Variants in PDE8B observed in about 807,000 individuals in gnomAD.
PDE8B encodes phosphodiesterase 8B.
A neutral mutation model predicts 101.3 loss-of-function variants in PDE8B; 26 were observed. That is an observed-to-expected ratio of 0.26 (90% CI 0.19 to 0.36). The LOEUF is 0.36. Ranked by LOEUF, PDE8B falls within the 10% of genes least tolerant of loss-of-function variation. PDE8B has a pLI of 1.00. For synonymous variants in PDE8B, 424 were observed against 429.3 expected (o/e 0.99, Z 0.15); for missense variants, 810 against 1,163.1 (o/e 0.70, Z 4.42).
At position 77,325,618 on chromosome 5, in the gene PDE8B, A is replaced by G. The variant is rs1038156742; in HGVS notation, c.479A>G (p.Asn160Ser). 1.2e-6 allele frequency: 2 copies of G among 1,613,672 alleles called. No individual in the cohort carries two copies. The highest frequency in any genetic ancestry group is 1.7e-6 in the Non-Finnish European group (2 of 1,179,672). ...WACDRAGYRC[N>S]IARTPESALE... is the part of the protein sequence containing the mutation. The stretch of plus-strand genomic sequence containing the variant: ...TGCGACAGAGCTGGTTATAGATGCA[A>G]TATTGCTCGGACTCCAGAGTCAGCC... The change falls in exon 3 of 22, where the codon AAT (asparagine) becomes AGT (serine). Residue 160 changes from asparagine (N) to serine (S), a missense_variant. Physicochemically the swap from Asn to Ser is conservative, Grantham distance 46. Coordinates refer to ENST00000264917, the MANE Select transcript of PDE8B (RefSeq NM_003719.5).
At chr5:77,321,575 G>T (rs1052691700) in intron 2 of PDE8B, among the ~76,000 whole-genome samples, 1 of 152,146 alleles carries the variant, frequency 6.6e-6, no homozygotes, top group Non-Finnish European at 1.5e-5. Flanking sequence ...TGGGAACAAA[G>T]AGTCCAATTT....
chr5:77,366,959 G>A (rs1784256759), intron 10 of PDE8B, among the ~76,000 whole-genome samples: 1 of 152,054 alleles, frequency 6.6e-6, no homozygotes, highest in South Asian at 2.1e-4. Flanking sequence ...GCCCAAGTAG[G>A]CCCTCCAGAG....
intron 10 of PDE8B, among the ~76,000 whole-genome samples, chr5:77,396,894 CTTAAT>C (rs1791178019): frequency 6.6e-6 from 1 of 151,896 alleles, no homozygotes; most frequent in African/African-American, 2.4e-5. Context: ...CCTAGGATTA[CTTAAT>C]TTAACATAAC....
intron 10 of PDE8B, among the ~76,000 whole-genome samples, chr5:77,375,839 G>A (rs1019695648): frequency 1.3e-5 from 2 of 150,044 alleles, no homozygotes; most frequent in African/African-American, 4.9e-5. Context: ...CCATTTTGTT[G>A]CCCCTTTTTA....
chr5:77,353,793 T>G (rs1030331590), intron 10 of PDE8B, among the ~76,000 whole-genome samples: 1 of 152,188 alleles, frequency 6.6e-6, no homozygotes, highest in Admixed American at 6.5e-5. Context: ...CATTCCAAAT[T>G]AGTACTGCAA....
chr5:77,135,728 G>T, the PDE8B span, among the ~76,000 whole-genome samples: 2 of 151,964 alleles, frequency 1.3e-5, no homozygotes, highest in Non-Finnish European at 2.9e-5. Flanking sequence ...ACCCGCCTCG[G>T]CCTCCCAAAG....
At chr5:77,199,999 T>C in the PDE8B span, among the ~76,000 whole-genome samples, 2 of 151,980 alleles carry the variant, frequency 1.3e-5, no homozygotes, top group African/African-American at 4.8e-5. Flanking sequence ...AATGGGACTT[T>C]TGTCTTCTCA....
chr5:77,337,239 A>C lies in PDE8B; in HGVS notation c.721A>C (p.Asn241His). The C allele has an allele frequency of 6.4e-7, 1 of 1,569,934 alleles. No individual in the cohort carries two copies. The highest frequency in any genetic ancestry group is 8.8e-7 in the Non-Finnish European group (1 of 1,142,260). Residue 241 changes from asparagine (N) to histidine (H), a missense_variant, in exon 6 of 22, where the codon AAT (asparagine) becomes CAT (histidine). By Grantham distance (68) the Asn-to-His change is moderately conservative. Around this residue, in one of 4 missense-constraint regions of PDE8B, gnomAD observed 251 missense variants for 378.8 expected, o/e 0.66. Transcript: ENST00000264917. Reference protein sequence around the residue: ...HAGFNRRFMENSSIIACYNEL... With the variant: ...HAGFNRRFMEHSSIIACYNEL... ...GCTTTCTTTTCAGAGATTTATGGAG[A>C]ATAGCAGCATAATTGCTTGCTATAA... is the stretch of plus-strand genomic sequence containing the variant.
chr5:77,218,926 A>G (rs1211387314), intron 1 of PDE8B, among the ~76,000 whole-genome samples: 2 of 152,224 alleles, frequency 1.3e-5, no homozygotes, highest in African/African-American at 2.4e-5. Flanking sequence ...GATTTGGCCA[A>G]TAGATGACTA....
the PDE8B span, among the ~76,000 whole-genome samples, chr5:77,162,308 C>T: frequency 2.0e-5 from 3 of 151,848 alleles, no homozygotes; most frequent in Admixed American, 6.6e-5. Flanking sequence ...AAATCATGTC[C>T]GTGTATTGAA....
chr5:77,396,215 GTTT>G (rs1791027352), intron 10 of PDE8B, among the ~76,000 whole-genome samples: 1 of 152,202 alleles, frequency 6.6e-6, no homozygotes, highest in Non-Finnish European at 1.5e-5. Context: ...AGTTACTTGG[GTTT>G]TGCCCTTCCC....
chr5:77,370,485 T>C (rs778803391), intron 10 of PDE8B, among the ~76,000 whole-genome samples: 3 of 152,206 alleles, frequency 2.0e-5, no homozygotes, highest in Non-Finnish European at 4.4e-5. Context: ...TTTGAGTATA[T>C]GATTTGGTTG....
rs188952125 is a variant in PDE8B, at chr5:77,413,822, C to T, written c.1911+513C>T. ...CTTTTGCATAATTCTGAAAGAGTTC[C>T]ATATCCCTTAGTCTTACAGTTCAAT... On this transcript the variant is annotated intron_variant, in intron 17 of 21. Transcript: ENST00000264917. 2.0e-5 allele frequency among the ~76,000 whole-genome samples: 3 copies of T among 152,218 alleles called. No homozygotes were observed. In the East Asian group the frequency reaches 5.8e-4, roughly 29 times the overall value.
intron 7 of PDE8B, among the ~76,000 whole-genome samples, chr5:77,347,812 G>C (rs1010618706): frequency 6.6e-6 from 1 of 152,154 alleles, no homozygotes; most frequent in Non-Finnish European, 1.5e-5. Context: ...ATTATAAGCA[G>C]AGAGAGCACG....
At chr5:77,279,505 C>T (rs190395768) in intron 1 of PDE8B, among the ~76,000 whole-genome samples, 3 of 152,294 alleles carry the variant, frequency 2.0e-5, no homozygotes, top group East Asian at 1.9e-4. Context: ...AGCTGTGGCT[C>T]TCCTCCCCGT....
the PDE8B span, among the ~76,000 whole-genome samples, chr5:77,174,678 G>A: frequency 6.6e-6 from 1 of 152,044 alleles, no homozygotes; most frequent in Non-Finnish European, 1.5e-5. Flanking sequence ...CAGCTCCCTG[G>A]GCTCTGCTGG....
At chr5:77,352,673 G>A (rs532586977) in intron 9 of PDE8B, among the ~76,000 whole-genome samples, 4 of 152,228 alleles carry the variant, frequency 2.6e-5, no homozygotes, top group South Asian at 2.1e-4. Flanking sequence ...GATACCCCAC[G>A]GGCTTCTGGG....
In PDE8B at chr5:77,426,671, T is replaced by A. The variant is rs1798203613; in HGVS notation, c.*117T>A. 1.4e-6 allele frequency: 1 copy of A among 714,524 alleles called. No individual in the cohort carries two copies. Among genetic ancestry groups the A allele is most frequent in the Admixed American group, 2.0e-5 (1 of 49,004 alleles). 44.3% of individuals were successfully genotyped at this position (714,524 alleles called of 1,614,324 possible). A position where few individuals can be genotyped will look rare whatever the true frequency, so the allele number is the denominator to read the frequency against. On this transcript the variant is annotated 3_prime_UTR_variant, in exon 22 of 22. Transcript: ENST00000264917. ...CAGGTATTGGTGAAGGAGCTAATGT[T>A]TAATATTTGACCTTGAATCATTCAA...
At chr5:77,146,884 T>C in the PDE8B span, 2 of 378,168 alleles carry the variant, frequency 5.3e-6, no homozygotes, top group Non-Finnish European at 1.1e-5. Context: ...TGTTTTCTTG[T>C]TCTGTTCTGA....
Sources: allele counts gnomAD v4.1 joint callset (sites outside exome capture counted in the v4.1 genomes callset), GRCh38; gene constraint gnomAD v4.1.1; regional missense constraint gnomAD v4.1.1; transcripts MANE v1.5; gene names NCBI Gene and HGNC (gene_info 2026-07-23, HGNC 2026-07-21).